SGCZ: variants seen among roughly 807,000 people sequenced by gnomAD.
SGCZ encodes the protein zeta-sarcoglycan.
A neutral mutation model predicts 41.3 loss-of-function variants in SGCZ; 40 were observed. The observed-to-expected ratio is 0.97, with a 90% confidence interval of 0.75 to 1.26. The LOEUF (loss-of-function observed/expected upper bound fraction) is 1.26. Ranked by LOEUF, SGCZ falls within the 50% of genes most tolerant of loss-of-function variation. The pLI is 0.00. For synonymous variants in SGCZ, 206 were observed against 137.5 expected (o/e 1.50, Z -3.49); for missense variants, 552 against 369.8 (o/e 1.49, Z -4.04).
At chr8:15,211,139 A>G (rs118098596) in intron 1 of SGCZ, among the ~76,000 whole-genome samples, 3,219 of 151,740 alleles carry the variant, frequency 0.021, 53 homozygotes, top group Middle Eastern at 0.045. Context: ...ACCTACACAG[A>G]TATTCTATAT....
intron 1 of SGCZ, among the ~76,000 whole-genome samples, chr8:15,216,575 A>G (rs1801411242): frequency 6.6e-6 from 1 of 152,142 alleles, no homozygotes; most frequent in African/African-American, 2.4e-5. Context: ...CAAGTTGTGT[A>G]TAAATATACA....
intron 1 of SGCZ, among the ~76,000 whole-genome samples, chr8:15,083,358 A>C (rs1017063297): frequency 6.6e-6 from 1 of 152,236 alleles, no homozygotes. Context: ...CGATTTCAAC[A>C]CATATAATTC....
chr8:14,669,709 C>T (rs1214805056), intron 1 of SGCZ, among the ~76,000 whole-genome samples: 16 of 151,698 alleles, frequency 1.1e-4, no homozygotes, highest in African/African-American at 3.6e-4. Context: ...CACACACACA[C>T]ACACACACAC....
rs571981483 is a variant in SGCZ, at chr8:15,176,492, G to A, written c.39+61093C>T. Among the ~76,000 whole-genome samples the A allele has an allele frequency of 1.3e-4, 19 of 151,950 alleles. No individual in the cohort carries two copies. In the South Asian group the frequency reaches 2.5e-3, roughly 20 times the overall value. ...AATACTGTATGTGAATATACCAAGC[G>A]GTTTTCCAAAAATTAACTTTTAAAC... On this transcript the variant is annotated intron_variant, in intron 1 of 7. Transcript: ENST00000382080.
intron 1 of SGCZ, among the ~76,000 whole-genome samples, chr8:15,015,977 T>C (rs1049911420): frequency 1.3e-5 from 2 of 152,150 alleles, no homozygotes; most frequent in African/African-American, 2.4e-5. Flanking sequence ...TTTGTAAAAA[T>C]TATTTTTCTC....
At chr8:14,240,356 G>T (rs9942782) in intron 3 of SGCZ, among the ~76,000 whole-genome samples, 90,570 of 135,020 alleles carry the variant, frequency 0.67, 30,353 homozygotes, top group South Asian at 0.8. Context: ...AAAAAAAAAA[G>T]AACTGAAAGT....
At chr8:14,811,546 T>TTC (rs1554504186) in intron 1 of SGCZ, among the ~76,000 whole-genome samples, 2 of 145,604 alleles carry the variant, frequency 1.4e-5, no homozygotes, top group Admixed American at 6.9e-5. Context: ...TTTTTTTTTT[T>TTC]CGGAATCACA....
At chr8:15,080,017 C>G (rs1036978358) in intron 1 of SGCZ, among the ~76,000 whole-genome samples, 12 of 152,036 alleles carry the variant, frequency 7.9e-5, no homozygotes, top group Non-Finnish European at 1.8e-4. Context: ...CTTCTCCAGC[C>G]GGTCCTCTAT....
At chr8:14,126,367 CAT>C (rs973713196) in intron 5 of SGCZ, among the ~76,000 whole-genome samples, 3 of 152,108 alleles carry the variant, frequency 2.0e-5, no homozygotes, top group Non-Finnish European at 2.9e-5. Flanking sequence ...AGCCAACAAA[CAT>C]ATAACGAAAA....
At chr8:14,642,465 T>C (rs1230308505) in intron 1 of SGCZ, among the ~76,000 whole-genome samples, 1 of 151,468 alleles carries the variant, frequency 6.6e-6, no homozygotes, top group Non-Finnish European at 1.5e-5. Flanking sequence ...AGTTACTATA[T>C]GTAAGGTAAC....
intron 2 of SGCZ, among the ~76,000 whole-genome samples, chr8:14,401,103 G>C (rs973126541): frequency 6.6e-6 from 1 of 152,090 alleles, no homozygotes; most frequent in Non-Finnish European, 1.5e-5. Context: ...CACTGTGCAA[G>C]ATACAGCTCC....
At chr8:15,009,856 C>T (rs1802764807) in intron 1 of SGCZ, among the ~76,000 whole-genome samples, 1 of 152,122 alleles carries the variant, frequency 6.6e-6, no homozygotes, top group East Asian at 1.9e-4. Context: ...AATAATGTGT[C>T]ATACAATAAT....
At chr8:14,221,614 C>G (rs1388256386) in intron 4 of SGCZ, among the ~76,000 whole-genome samples, 1 of 152,090 alleles carries the variant, frequency 6.6e-6, no homozygotes, top group East Asian at 1.9e-4. Context: ...ATGTTAATCC[C>G]ACAGTTAGTT....
At chr8:14,188,940 C>T (rs1382644234) in intron 4 of SGCZ, among the ~76,000 whole-genome samples, 1 of 150,896 alleles carries the variant, frequency 6.6e-6, no homozygotes, top group Non-Finnish European at 1.5e-5. Context: ...CGAGCAACCT[C>T]CATCACCCGG....
intron 1 of SGCZ, among the ~76,000 whole-genome samples, chr8:14,556,490 G>A (rs1257099222): frequency 1.3e-5 from 2 of 151,848 alleles, no homozygotes; most frequent in African/African-American, 4.8e-5. Context: ...TTGGTTACAT[G>A]AGTAAGTTCT....
At chr8:14,332,706 C>A (rs1260147101) in intron 2 of SGCZ, 2 of 151,328 alleles carry the variant, frequency 1.3e-5, no homozygotes, top group African/African-American at 2.4e-5. Flanking sequence ...AATAAGGAAC[C>A]ACCCAGAGTA....
At chr8:14,517,243 T>C (rs1210749653) in intron 2 of SGCZ, among the ~76,000 whole-genome samples, 2 of 152,030 alleles carry the variant, frequency 1.3e-5, no homozygotes, top group African/African-American at 4.8e-5. Context: ...CACAAGAACT[T>C]ATCATAAGAA....
chr8:14,673,095 C>T (rs1045827333), intron 1 of SGCZ, among the ~76,000 whole-genome samples: 7 of 152,192 alleles, frequency 4.6e-5, no homozygotes, highest in East Asian at 1.9e-4. Context: ...TGGTGTACTT[C>T]TTTTATGTTT....
At position 15,024,771 on chromosome 8, in the gene SGCZ, C is replaced by A. The variant is rs138547447; in HGVS notation, c.39+212814G>T. ...CTAACATGGTGAAACCCCATCTCTA[C>A]TAAAAATACAAAAAATTAGCCGGGC... On this transcript the variant is annotated intron_variant, in intron 1 of 7. Coordinates refer to ENST00000382080, the MANE Select transcript of SGCZ (RefSeq NM_139167.4). Among the ~76,000 whole-genome samples the A allele has an allele frequency of 4.7e-3, 710 of 151,998 alleles. 6 individuals are homozygous for A. The highest frequency in any genetic ancestry group is 0.016 in the African/African-American group (680 of 41,460).
Sources: gnomAD v4.1 joint callset for allele counts (sites outside exome capture counted in the v4.1 genomes callset) on GRCh38, gnomAD v4.1.1 for gene constraint, MANE v1.5 for transcripts, NCBI Gene and HGNC (gene_info 2026-07-23, HGNC 2026-07-21) for gene names.